RBBP8: variants seen among roughly 807,000 people sequenced by gnomAD.
RBBP8 encodes the protein RB binding protein 8, endonuclease.
Under a neutral mutation model 108.3 loss-of-function variants are expected in RBBP8, and 88 were observed. That is an observed-to-expected ratio of 0.81 (90% CI 0.68 to 0.97). The LOEUF (loss-of-function observed/expected upper bound fraction) is 0.97, where lower values mean the gene tolerates loss of function less well. Ranked by LOEUF, RBBP8 falls within the 50% of genes least tolerant of loss-of-function variation. RBBP8 has a pLI of 0.00. For synonymous variants in RBBP8, 332 were observed against 348.2 expected (o/e 0.95, Z 0.52); for missense variants, 1,023 against 1,049.0 (o/e 0.98, Z 0.34).
At chr18:23,014,493 T>C (rs7230571) in intron 16 of RBBP8, among the ~76,000 whole-genome samples, 110,937 of 152,016 alleles carry the variant, frequency 0.73, 40,831 homozygotes, top group Middle Eastern at 0.9. Flanking sequence ...ATTAGCTGGG[T>C]CTTGTGGCTT....
At chr18:22,997,522 A>G (rs969024885) in intron 13 of RBBP8, 98 bp from the exon 14 acceptor site, 8 of 769,722 alleles carry the variant, frequency 1.0e-5, no homozygotes, top group Non-Finnish European at 1.8e-5. Context: ...TGTAAAATGT[A>G]TGTTATGTAT....
intron 7 of RBBP8, among the ~76,000 whole-genome samples, chr18:22,984,493 T>C (rs192323657): frequency 3.6e-4 from 55 of 152,282 alleles, no homozygotes; most frequent in African/African-American, 1.2e-3. Flanking sequence ...CAAGAGATCC[T>C]CCTGCCTCAG....
At chr18:22,937,233 C>A (rs2144399346) in intron 2 of RBBP8, 6 of 436,982 alleles carry the variant, frequency 1.4e-5, no homozygotes, top group South Asian at 1.3e-4. Flanking sequence ...CATGTAGGTC[C>A]CAGTACCTGT....
chr18:22,919,528 C>T (rs1352121725), intron 3 of RBBP8, among the ~76,000 whole-genome samples: 1 of 152,144 alleles, frequency 6.6e-6, no homozygotes, highest in East Asian at 1.9e-4. Flanking sequence ...ATCATTTCAC[C>T]AATTTAGCCC....
chr18:23,002,906 G>A (rs1180770043), intron 15 of RBBP8, among the ~76,000 whole-genome samples: 1 of 151,934 alleles, frequency 6.6e-6, no homozygotes, highest in Non-Finnish European at 1.5e-5. Context: ...ACAGCTGTTC[G>A]GTATCCTTTT....
intron 5 of RBBP8, among the ~76,000 whole-genome samples, chr18:22,971,337 C>T (rs951060625): frequency 5.3e-5 from 8 of 151,892 alleles, no homozygotes; most frequent in African/African-American, 1.9e-4. Context: ...GTGACAATTT[C>T]GTCTTTTCTT....
intron 1 of RBBP8, among the ~76,000 whole-genome samples, chr18:22,915,074 A>G (rs1909302827): frequency 6.6e-6 from 1 of 152,076 alleles, no homozygotes; most frequent in Admixed American, 6.6e-5. Context: ...ATACCATCCT[A>G]CCCCTTTATT....
chr18:23,012,019 GGAA>G (rs1010998181), intron 16 of RBBP8, among the ~76,000 whole-genome samples: 1 of 151,844 alleles, frequency 6.6e-6, no homozygotes, highest in Non-Finnish European at 1.5e-5. Flanking sequence ...TGGGCAACAT[GGAA>G]GAACTCCATC....
At chr18:22,986,505 G>A (rs1264354825) in intron 8 of RBBP8, among the ~76,000 whole-genome samples, 1 of 152,216 alleles carries the variant, frequency 6.6e-6, no homozygotes, top group Non-Finnish European at 1.5e-5. Context: ...TTGCAGTAAA[G>A]AGGAGGAGAG....
intron 17 of RBBP8, among the ~76,000 whole-genome samples, chr18:23,020,058 G>A (rs1048384126): frequency 5.3e-5 from 8 of 151,498 alleles, no homozygotes; most frequent in African/African-American, 9.7e-5. Flanking sequence ...CACTGCACCC[G>A]GCCAACATTT....
chr18:23,003,625 A>T (rs2045984333), intron 15 of RBBP8, among the ~76,000 whole-genome samples: 1 of 152,184 alleles, frequency 6.6e-6, no homozygotes, highest in Non-Finnish European at 1.5e-5. Context: ...TAGACATCTT[A>T]GGAGTCAAGT....
rs560226142 is a variant in RBBP8, at chr18:22,934,729, T to C, written c.-99+1165T>C. The C allele has an allele frequency of 8.1e-5, 12 of 148,606 alleles. No individual in the cohort carries two copies. In the East Asian group the frequency reaches 2.5e-3, roughly 31 times the overall value. 9.2% of individuals were successfully genotyped at this position (148,606 alleles called of 1,614,324 possible). A position where few individuals can be genotyped will look rare whatever the true frequency, so the allele number is the denominator to read the frequency against. On this transcript the variant is annotated intron_variant, in intron 1 of 18. Transcript: ENST00000327155. ...CCCTTCCTGTGTCCAGGTGTTCTCA[T>C]TGTTCAGTTCCCACCTATGATTGAG...
In RBBP8 at chr18:22,924,969, G is replaced by A. The variant is rs187693675; in HGVS notation, c.-153-4414G>A. On this transcript the variant is annotated intron_variant, in intron 3 of 4. Coordinates refer to the RBBP8 transcript ENST00000577588. ...TGTGAGCAAGGCTCACTGCAGCTTC[G>A]ACCTCCTGGGCTCAAGCAATCCTCC... is the stretch of plus-strand genomic sequence containing the variant. Among the ~76,000 whole-genome samples, 559 of 150,312 alleles carry A rather than the reference G, an allele frequency of 3.7e-3. 2 individuals carry two copies. Among genetic ancestry groups the A allele is most frequent in the African/African-American group, 0.013 (524 of 40,838 alleles).
chr18:22,945,571 C>CG (rs1567951202), intron 2 of RBBP8, among the ~76,000 whole-genome samples: 1 of 151,806 alleles, frequency 6.6e-6, no homozygotes, highest in Non-Finnish European at 1.5e-5. Context: ...TTATTAGAGA[C>CG]GGGGTTTCTC....
intron 6 of RBBP8, among the ~76,000 whole-genome samples, chr18:22,980,349 G>A (rs1016759727): frequency 4.3e-4 from 65 of 152,318 alleles, no homozygotes; most frequent in African/African-American, 1.5e-3. Context: ...GGGAACAGGA[G>A]TACTAGGGTG....
Position 22,984,861 on chromosome 18 carries a change from ATC to A in RBBP8, c.605-21_605-20del, listed in dbSNP as rs746143037. 3 of 1,309,324 alleles carry A rather than the reference ATC, an allele frequency of 2.3e-6. No individual in the cohort carries two copies. The South Asian group carries it at 3.6e-5, about 16-fold the overall frequency. The allele number at this position is 1,309,324 out of a possible 1,614,324, so 81.1% of individuals were successfully genotyped here. On this transcript the variant is annotated intron_variant, in intron 7 of 18. Coordinates refer to ENST00000327155, the MANE Select transcript of RBBP8 (RefSeq NM_002894.3). ...TTTCATCATCATTGTTTATTGTGTA[ATC>A]TCTTATTTTTTTCTCCCCTTAGAAA...
At chr18:22,921,337 A>T (rs560171351) in intron 3 of RBBP8, among the ~76,000 whole-genome samples, 1 of 152,198 alleles carries the variant, frequency 6.6e-6, no homozygotes. Context: ...GACACAAGAG[A>T]AGAGCACTTA....
intron 16 of RBBP8, among the ~76,000 whole-genome samples, chr18:23,007,183 G>T (rs1330549003): frequency 1.3e-5 from 2 of 151,442 alleles, no homozygotes; most frequent in Non-Finnish European, 2.9e-5. Flanking sequence ...ACCAGGCCTG[G>T]ATAATTTGTG....
At chr18:22,946,739 C>T (rs1911597532) in intron 3 of RBBP8, among the ~76,000 whole-genome samples, 1 of 151,824 alleles carries the variant, frequency 6.6e-6, no homozygotes, top group African/African-American at 2.4e-5. Flanking sequence ...TGTAATACAA[C>T]TTACATATGT....
Sources: allele counts gnomAD v4.1 joint callset (sites outside exome capture counted in the v4.1 genomes callset), GRCh38; gene constraint gnomAD v4.1.1; transcripts MANE v1.5; gene names NCBI Gene and HGNC (gene_info 2026-07-23, HGNC 2026-07-21).